Variants in PEAK1 observed in about 807,000 individuals in gnomAD.
PEAK1 encodes the protein pseudopodium enriched atypical kinase 1, also known as inactive tyrosine-protein kinase PEAK1.
PEAK1 carries 54 observed loss-of-function variants against 124.7 expected under a neutral mutation model. The ratio of observed to expected loss-of-function variants is 0.43; its 90% CI spans 0.35 to 0.54. PEAK1 has a LOEUF of 0.54. Ranked by LOEUF, PEAK1 falls within the 20% of genes least tolerant of loss-of-function variation. The probability of loss-of-function intolerance (pLI) is 0.01; values close to 1 mark genes in which losing one functional copy is unlikely to be tolerated. For missense variants in PEAK1, 2,046 were observed against 2,134.5 expected, an observed-to-expected ratio of 0.96 and a Z score of 0.82; for synonymous variants, 719 against 760.0, an observed-to-expected ratio of 0.95 and a Z score of 0.89.
At chr15:77,337,093 T>A (rs549260834) in intron 2 of PEAK1, 19 of 976,888 alleles carry the variant, frequency 1.9e-5, no homozygotes, top group Admixed American at 6.2e-5. Context: ...GACAACAAAG[T>A]AACCAATCAA....
chr15:77,242,604 CT>C (rs751782605), intron 6 of PEAK1, among the ~76,000 whole-genome samples: 3 of 151,980 alleles, frequency 2.0e-5, no homozygotes, highest in South Asian at 2.1e-4. Flanking sequence ...GAGGGTATCA[CT>C]TTTTTTTCCA....
intron 8 of PEAK1, among the ~76,000 whole-genome samples, chr15:77,152,144 T>G (rs1295266344): frequency 6.6e-6 from 1 of 152,202 alleles, no homozygotes; most frequent in East Asian, 1.9e-4. Flanking sequence ...TCCATTTGTT[T>G]GTATCCTCTT....
chr15:77,196,037 G>A (rs553675722), intron 6 of PEAK1, among the ~76,000 whole-genome samples: 95 of 152,288 alleles, frequency 6.2e-4, no homozygotes, highest in African/African-American at 1.9e-3. Flanking sequence ...TTTAACCTTC[G>A]TAAGCAAGAG....
At position 77,178,873 on chromosome 15, in the gene PEAK1, A is replaced by G; in HGVS notation, c.3054T>C (p.Gly1018=). 1.2e-6 allele frequency: 2 copies of G among 1,614,056 alleles called. No individual in the cohort carries two copies. The highest frequency in any genetic ancestry group is 1.7e-6 in the Non-Finnish European group (2 of 1,180,004). ...CCTGTAGTAATGCATTCTCTGCTCTACCCTTCTCCATGACTGCTGCCTGGT... is the reference window on the plus strand; with the variant it reads ...CCTGTAGTAATGCATTCTCTGCTCTGCCCTTCTCCATGACTGCTGCCTGGT... ...RTDQAAVMEK[G]RAENALLQDS... is the part of the protein sequence containing the mutation. The change falls in exon 7 of 10, where the codon GGT becomes GGC. Residue 1018 remains glycine, a synonymous_variant. Coordinates refer to ENST00000682557, the MANE Select transcript of PEAK1 (RefSeq NM_001385026.1).
In PEAK1 at chr15:77,181,440, G is replaced by GATAA. The variant is rs1381361100; in HGVS notation, c.486_487insTTAT (p.Pro163LeufsTer8). The GATAA allele has an allele frequency of 6.2e-7, 1 of 1,614,040 alleles. No homozygotes were observed. The highest frequency in any genetic ancestry group is 8.5e-7 in the Non-Finnish European group (1 of 1,180,006). On this transcript the variant is annotated frameshift_variant, in exon 7 of 10. Transcript: ENST00000682557. LOFTEE classifies it high-confidence loss of function. ...TTTGTTTCATTTCCTCTTATCTGAG[G>GATAA]GGCAGTATCCAAGCCTGCTATCTCC...
intron 2 of PEAK1, among the ~76,000 whole-genome samples, chr15:77,293,739 A>T (rs1010402123): frequency 6.6e-6 from 1 of 152,222 alleles, no homozygotes; most frequent in African/African-American, 2.4e-5. Context: ...GATTTGTTAT[A>T]TTATTCTCTA....
At chr15:77,355,218 G>C (rs2067446003) in intron 2 of PEAK1, among the ~76,000 whole-genome samples, 1 of 152,116 alleles carries the variant, frequency 6.6e-6, no homozygotes, top group Non-Finnish European at 1.5e-5. Flanking sequence ...TCTTGCAGGA[G>C]GTGGAGAGAT....
chr15:77,131,192 T>C (rs756880699), intron 9 of PEAK1, among the ~76,000 whole-genome samples: 8 of 152,170 alleles, frequency 5.3e-5, no homozygotes, highest in Non-Finnish European at 1.2e-4. Flanking sequence ...GTCAGAAATA[T>C]TTGTGATTAA....
chr15:77,330,885 A>C (rs371655997), intron 2 of PEAK1: 20 of 245,274 alleles, frequency 8.2e-5, no homozygotes, highest in African/African-American at 4.4e-4. Context: ...CAAAGAAATG[A>C]CCTGTTTTGT....
chr15:77,394,336 T>C (rs1052383561), intron 1 of PEAK1, among the ~76,000 whole-genome samples: 1 of 152,212 alleles, frequency 6.6e-6, no homozygotes, highest in Non-Finnish European at 1.5e-5. Context: ...GCCGGTGCCA[T>C]GCTGACCGCA....
At chr15:77,405,087 C>T (rs1194232747) in intron 1 of PEAK1, among the ~76,000 whole-genome samples, 3 of 151,508 alleles carry the variant, frequency 2.0e-5, no homozygotes, top group Admixed American at 6.6e-5. Flanking sequence ...CTCACTGCAA[C>T]CTCCGCCTCC....
chr15:77,329,711 T>G (rs2065788437), intron 2 of PEAK1, among the ~76,000 whole-genome samples: 1 of 152,186 alleles, frequency 6.6e-6, no homozygotes. Flanking sequence ...TATTGCACAG[T>G]TTTTCATCAC....
intron 1 of PEAK1, chr15:77,417,541 C>G: frequency 1.0e-6 from 1 of 985,216 alleles, no homozygotes; most frequent in Non-Finnish European, 1.2e-6. Context: ...ACACATCTGC[C>G]TCTTACACTG....
At chr15:77,204,252 T>C (rs1362828074) in intron 6 of PEAK1, among the ~76,000 whole-genome samples, 1 of 152,100 alleles carries the variant, frequency 6.6e-6, no homozygotes, top group Non-Finnish European at 1.5e-5. Context: ...CAAAACCAAA[T>C]GACAGCAAGG....
At chr15:77,363,064 C>T (rs995800161) in intron 2 of PEAK1, among the ~76,000 whole-genome samples, 2 of 152,090 alleles carry the variant, frequency 1.3e-5, no homozygotes, top group African/African-American at 2.4e-5. Context: ...CCATGTTGGC[C>T]GGGCTGGTCT....
Position 77,365,155 on chromosome 15 carries a change from T to G in PEAK1, c.-603+8A>C, listed in dbSNP as rs976837767. 3 of 941,288 alleles carry G rather than the reference T, an allele frequency of 3.2e-6. No homozygotes were observed. The African/African-American group carries it at 5.3e-5, about 17-fold the overall frequency. The allele number at this position is 941,288 out of a possible 1,614,324, so 58.3% of individuals were successfully genotyped here. A position where few individuals can be genotyped will look rare whatever the true frequency, so the allele number is the denominator to read the frequency against. ...TTAAAAGGCAAATGAATTCATAAAT[T>G]ATCTCACCTTTGGTTTTTAGATAAA... On this transcript the variant is annotated splice_region_variant and intron_variant, in intron 2 of 9. Transcript: ENST00000682557.
chr15:77,232,970 C>T (rs189167529), intron 6 of PEAK1, among the ~76,000 whole-genome samples: 1 of 152,140 alleles, frequency 6.6e-6, no homozygotes, highest in Admixed American at 6.5e-5. Context: ...TGGTCTCGGA[C>T]TCCTAACCTC....
intron 2 of PEAK1, among the ~76,000 whole-genome samples, chr15:77,361,643 C>A (rs890816046): frequency 6.6e-6 from 1 of 152,138 alleles, no homozygotes; most frequent in Non-Finnish European, 1.5e-5. Flanking sequence ...TAAACTAGTA[C>A]AACCACTATG....
At position 77,268,975 on chromosome 15, in the gene PEAK1, G is replaced by A. The variant is rs1390104759; in HGVS notation, c.-275+14908C>T. ...AGACAAACAAATGCTGAAAGAATTC[G>A]CCACTACCAAGCCAGCACTACGAGC... is the stretch of plus-strand genomic sequence containing the variant. On this transcript the variant is annotated intron_variant, in intron 5 of 9. Transcript: ENST00000682557. 7.9e-5 allele frequency among the ~76,000 whole-genome samples: 12 copies of A among 151,914 alleles called. No homozygotes were observed. In the East Asian group the frequency reaches 9.7e-4, roughly 12 times the overall value.
Sources: gnomAD v4.1 joint callset for allele counts (sites outside exome capture counted in the v4.1 genomes callset) on GRCh38, gnomAD v4.1.1 for gene constraint, MANE v1.5 for transcripts, NCBI Gene and HGNC (gene_info 2026-07-23, HGNC 2026-07-21) for gene names.